Variants in RIMBP2 observed in about 807,000 individuals in gnomAD.
RIMBP2 encodes the protein RIMS-binding protein 2.
In RIMBP2, 48 loss-of-function variants were observed where a neutral mutation model predicts 118.6. The observed-to-expected ratio is 0.40, with a 90% CI of 0.32 to 0.51. The LOEUF (loss-of-function observed/expected upper bound fraction) is 0.51, where lower values mean the gene tolerates loss of function less well. Among genes scored for constraint, RIMBP2 ranks in the 20% least tolerant of loss-of-function variants. RIMBP2 has a pLI of 0.41. For missense variants in RIMBP2, 1,551 were observed against 1,768.3 expected, an observed-to-expected ratio of 0.88 and a Z score of 2.20; for synonymous variants, 762 against 742.9, an observed-to-expected ratio of 1.03 and a Z score of -0.42.
At position 130,397,195 on chromosome 12, in the gene RIMBP2, TTGTTCTCG is replaced by T; in HGVS notation, c.*158_*165del. On this transcript the variant is annotated 3_prime_UTR_variant, in exon 23 of 23. Coordinates refer to ENST00000690449, the MANE Select transcript of RIMBP2 (RefSeq NM_001393629.1). ...GGTGACAGAGAGCAACCGCTCCTCT[TTGTTCTCG>T]TGGTTGGTTTAAAGTGGTTGGTAGT... 2.7e-6 allele frequency: 1 copy of T among 370,274 alleles called. No individual in the cohort carries two copies. Among genetic ancestry groups the T allele is most frequent in the Non-Finnish European group, 4.8e-6 (1 of 208,580 alleles). The allele number at this position is 370,274 out of a possible 1,614,324, so 22.9% of individuals were successfully genotyped here.
rs1447768075 is a variant in RIMBP2, at chr12:130,399,673, G to T, written c.3900+6C>A. The T allele has an allele frequency of 6.2e-7, 1 of 1,614,064 alleles. No homozygotes were observed. Among genetic ancestry groups the T allele is most frequent in the Admixed American group, 1.7e-5 (1 of 60,016 alleles). The stretch of plus-strand genomic sequence containing the variant: ...GAGATTAAAAAGGCTAAATAGGTTT[G>T]CTTACCCTTTTTGCCTTTGAGCGCA... On this transcript the variant is annotated splice_donor_region_variant and intron_variant, in intron 22 of 22. Transcript: ENST00000690449.
chr12:130,616,068 G>A (rs906241318), intron 2 of RIMBP2, among the ~76,000 whole-genome samples: 2 of 152,144 alleles, frequency 1.3e-5, no homozygotes, highest in Non-Finnish European at 2.9e-5. Context: ...CTAGCCTTTT[G>A]CATTCTTAAA....
chr12:130,650,748 C>G (rs936761854), intron 1 of RIMBP2, among the ~76,000 whole-genome samples: 4 of 152,072 alleles, frequency 2.6e-5, no homozygotes, highest in Non-Finnish European at 5.9e-5. Flanking sequence ...TTTTCTTAAC[C>G]GATCATTGTT....
At position 130,626,591 on chromosome 12, in the gene RIMBP2, C is replaced by T. The variant is rs571331205; in HGVS notation, c.-217+1731G>A. Among the ~76,000 whole-genome samples the T allele has an allele frequency of 5.6e-4, 85 of 151,888 alleles. 1 individual carries two copies. Among genetic ancestry groups the T allele is most frequent in the Middle Eastern group, 6.8e-3 (2 of 292 alleles). On this transcript the variant is annotated intron_variant, in intron 2 of 22. Coordinates refer to ENST00000690449, the MANE Select transcript of RIMBP2 (RefSeq NM_001393629.1). ...CCATCTTCTCCATCACGACTACCGC[C>T]GGCATCACCACCATCTCCTCCATCA...
chr12:130,699,904 TAAAAAAAAAA>T (rs33963621), intron 1 of RIMBP2, among the ~76,000 whole-genome samples: 9 of 85,670 alleles, frequency 1.1e-4, no homozygotes, highest in South Asian at 5.0e-4. Flanking sequence ...GACTCTGTCT[TAAAAAAAAAA>T]AAAAAAAAAA....
At chr12:130,570,543 A>G (rs2057552396) in intron 2 of RIMBP2, among the ~76,000 whole-genome samples, 1 of 152,244 alleles carries the variant, frequency 6.6e-6, no homozygotes, top group South Asian at 2.1e-4. Flanking sequence ...CAGGAGCAAC[A>G]GAAGGTGACA....
intron 12 of RIMBP2, 31 bp downstream of exon 12, chr12:130,438,334 A>AGGGCCC: frequency 3.0e-6 from 4 of 1,344,514 alleles, no homozygotes; most frequent in Non-Finnish European, 1.1e-6. Flanking sequence ...GGGCCTAACA[A>AGGGCCC]ACCCTCCCCA....
intron 1 of RIMBP2, among the ~76,000 whole-genome samples, chr12:130,644,379 C>A (rs11061049): frequency 6.6e-6 from 1 of 151,994 alleles, no homozygotes; most frequent in Non-Finnish European, 1.5e-5. Context: ...TTAAGAGCAC[C>A]GTAAGATCCA....
chr12:130,439,698 G>A (rs1290602168), intron 11 of RIMBP2, among the ~76,000 whole-genome samples: 1 of 103,414 alleles, frequency 9.7e-6, no homozygotes, highest in Non-Finnish European at 1.9e-5. Flanking sequence ...TGTGTACGTG[G>A]GTCTGTGGGG....
At chr12:130,476,210 A>G (rs1455597865) in intron 5 of RIMBP2, among the ~76,000 whole-genome samples, 1 of 152,166 alleles carries the variant, frequency 6.6e-6, no homozygotes, top group Non-Finnish European at 1.5e-5. Flanking sequence ...TACCCACTGG[A>G]CCGTAAGCTC....
intron 4 of RIMBP2, among the ~76,000 whole-genome samples, chr12:130,481,041 G>A (rs999197649): frequency 6.6e-6 from 1 of 152,180 alleles, no homozygotes. Context: ...CTGGAAAGAG[G>A]AGCCTGGCAG....
intron 2 of RIMBP2, among the ~76,000 whole-genome samples, chr12:130,533,351 T>C (rs2053680793): frequency 1.3e-5 from 2 of 152,066 alleles, no homozygotes. Flanking sequence ...AAAACCACAA[T>C]GAGATATCTT....
intron 1 of RIMBP2, chr12:130,657,919 C>T (rs7966303): frequency 0.3 from 45,996 of 152,214 alleles, 7,061 homozygotes; most frequent in East Asian, 0.37. Context: ...TGGCCTTAAA[C>T]AGGCCTGGCT....
intron 6 of RIMBP2, among the ~76,000 whole-genome samples, chr12:130,457,568 G>A (rs1244856045): frequency 6.6e-6 from 1 of 152,316 alleles, no homozygotes; most frequent in Non-Finnish European, 1.5e-5. Flanking sequence ...CATCACAGAA[G>A]GTGCAGGACA....
intron 6 of RIMBP2, chr12:130,470,341 A>C: frequency 9.4e-6 from 2 of 213,674 alleles, no homozygotes; most frequent in Non-Finnish European, 1.8e-5. Flanking sequence ...CCCCTGGGGA[A>C]ATTAATTCAC....
intron 1 of RIMBP2, chr12:130,657,794 T>C (rs2063492311): frequency 6.6e-6 from 1 of 152,236 alleles, no homozygotes; most frequent in Non-Finnish European, 1.5e-5. Flanking sequence ...AGGTCCCGCC[T>C]TCCACTCAAA....
intron 1 of RIMBP2, among the ~76,000 whole-genome samples, chr12:130,685,143 G>A (rs756116914): frequency 4.6e-5 from 7 of 152,112 alleles, no homozygotes; most frequent in Non-Finnish European, 7.4e-5. Context: ...CCCACACCGG[G>A]GACAATGTCT....
intron 7 of RIMBP2, among the ~76,000 whole-genome samples, chr12:130,452,748 G>A (rs1593354475): frequency 6.6e-6 from 1 of 152,200 alleles, no homozygotes; most frequent in East Asian, 1.9e-4. Flanking sequence ...CCGAGACCTG[G>A]GGGGCCGCGT....
chr12:130,664,374 TGCACGCACGC>T (rs1566438679), intron 1 of RIMBP2, among the ~76,000 whole-genome samples: 25 of 106,148 alleles, frequency 2.4e-4, no homozygotes, highest in African/African-American at 7.1e-4. Flanking sequence ...TGCACGTGCA[TGCACGCACGC>T]GCATGCACAC....
Sources: allele counts gnomAD v4.1 joint callset (sites outside exome capture counted in the v4.1 genomes callset), GRCh38; gene constraint gnomAD v4.1.1; transcripts MANE v1.5; gene names NCBI Gene and HGNC (gene_info 2026-07-23, HGNC 2026-07-21).